GRIP1: variants seen among roughly 807,000 people sequenced by gnomAD.
GRIP1 encodes the protein glutamate receptor interacting protein 1, also known as glutamate receptor-interacting protein 1.
In GRIP1, 45 loss-of-function variants were observed where a neutral mutation model predicts 129.9. The observed-to-expected ratio is 0.35, with a 90% confidence interval of 0.27 to 0.44. The LOEUF is 0.44. Among genes scored for constraint, GRIP1 ranks in the 20% least tolerant of loss-of-function variants. The pLI is 1.00. For synonymous variants in GRIP1, 530 were observed against 520.8 expected (o/e 1.02, Z -0.24); for missense variants, 1,196 against 1,396.8 (o/e 0.86, Z 2.29).
At chr12:66,623,543 T>A (rs1285652848) in intron 1 of GRIP1, among the ~76,000 whole-genome samples, 1 of 152,168 alleles carries the variant, frequency 6.6e-6, no homozygotes, top group Non-Finnish European at 1.5e-5. Flanking sequence ...ATGGAATTTA[T>A]AATTTTTCTA....
chr12:67,068,311 C>A (rs549842961), intron 1 of GRIP1, among the ~76,000 whole-genome samples: 1 of 152,320 alleles, frequency 6.6e-6, no homozygotes, highest in South Asian at 2.1e-4. Flanking sequence ...GGCTGCAAGG[C>A]ACCAGGCAGA....
chr12:67,028,476 T>C (rs1202813891), intron 1 of GRIP1, among the ~76,000 whole-genome samples: 1 of 152,226 alleles, frequency 6.6e-6, no homozygotes, highest in Non-Finnish European at 1.5e-5. Flanking sequence ...TTCATGTAAG[T>C]AGAAATTGTG....
In GRIP1 at chr12:66,648,079, C is replaced by T. The variant is rs184779293; in HGVS notation, c.55+30771G>A. ...TGCTTCCCTCCACCCACTCTTCCCC[C>T]CTCCCTCCACCAGTGCCTTCTTGCT... On this transcript the variant is annotated intron_variant, in intron 1 of 24. Transcript: ENST00000359742. Among the ~76,000 whole-genome samples, 326 of 152,242 alleles carry T rather than the reference C, an allele frequency of 2.1e-3. 2 individuals carry two copies. The highest frequency in any genetic ancestry group is 6.7e-3 in the African/African-American group (280 of 41,536).
At chr12:66,537,581 T>C (rs1232321865) in intron 4 of GRIP1, among the ~76,000 whole-genome samples, 1 of 151,716 alleles carries the variant, frequency 6.6e-6, no homozygotes, top group Non-Finnish European at 1.5e-5. Flanking sequence ...AAAAAAGAAA[T>C]TAATGTATCC....
At chr12:66,505,610 G>T (rs923249640) in intron 7 of GRIP1, among the ~76,000 whole-genome samples, 3 of 152,182 alleles carry the variant, frequency 2.0e-5, no homozygotes, top group African/African-American at 7.2e-5. Context: ...AGGGGTTGGT[G>T]TGGGGAACCC....
At chr12:66,940,855 G>T (rs1281094104) in intron 1 of GRIP1, among the ~76,000 whole-genome samples, 2 of 151,946 alleles carry the variant, frequency 1.3e-5, no homozygotes, top group East Asian at 3.9e-4. Flanking sequence ...AACACCACAG[G>T]GTGTGTTTTC....
At chr12:66,605,318 C>G (rs1246043231) in intron 1 of GRIP1, among the ~76,000 whole-genome samples, 1 of 151,774 alleles carries the variant, frequency 6.6e-6, no homozygotes, top group Non-Finnish European at 1.5e-5. Context: ...TAATGTAAAC[C>G]GTAGAGAAAA....
chr12:66,467,614 T>G (rs1393127473), intron 7 of GRIP1, among the ~76,000 whole-genome samples: 1 of 152,228 alleles, frequency 6.6e-6, no homozygotes, highest in East Asian at 1.9e-4. Context: ...TGGTTAGTTT[T>G]GCCCACCTCT....
At chr12:67,067,998 T>C (rs984333882) in intron 1 of GRIP1, among the ~76,000 whole-genome samples, 5 of 152,300 alleles carry the variant, frequency 3.3e-5, no homozygotes, top group South Asian at 2.1e-4. Flanking sequence ...CAGGACAGGA[T>C]AGAAGAAGCA....
chr12:66,771,114 A>G (rs1209829791), intron 1 of GRIP1, among the ~76,000 whole-genome samples: 3 of 152,134 alleles, frequency 2.0e-5, no homozygotes, highest in South Asian at 4.1e-4. Context: ...AGAAAGAAAA[A>G]AAAACCCTCA....
chr12:66,679,532 G>T (rs117705310), upstream of GRIP1, among the ~76,000 whole-genome samples: 1 of 151,954 alleles, frequency 6.6e-6, no homozygotes, highest in East Asian at 1.9e-4. Context: ...TGCCTATAGC[G>T]GGGAAGCAGC....
intron 1 of GRIP1, among the ~76,000 whole-genome samples, chr12:67,067,066 C>A (rs138356547): frequency 6.6e-6 from 1 of 151,778 alleles, no homozygotes; most frequent in East Asian, 1.9e-4. Context: ...AAAAGCATCT[C>A]TTAATTAAAG....
intron 1 of GRIP1, among the ~76,000 whole-genome samples, chr12:66,693,495 C>T (rs1182251709): frequency 6.6e-6 from 1 of 152,122 alleles, no homozygotes; most frequent in Non-Finnish European, 1.5e-5. Context: ...ATCTGCCTGG[C>T]CCTTGTAGGC....
At chr12:66,808,263 T>A (rs1242535966), upstream of GRIP1, among the ~76,000 whole-genome samples, 2 of 152,102 alleles carry the variant, frequency 1.3e-5, no homozygotes, top group Non-Finnish European at 2.9e-5. Context: ...TTTGTTTGGC[T>A]CACATGAATG....
chr12:67,022,340 TG>T (rs2042879751), intron 1 of GRIP1, among the ~76,000 whole-genome samples: 1 of 152,232 alleles, frequency 6.6e-6, no homozygotes, highest in Admixed American at 6.5e-5. Flanking sequence ...ATTCACCTAT[TG>T]CTAGACATTT....
intron 1 of GRIP1, among the ~76,000 whole-genome samples, chr12:66,986,396 C>T (rs113635633): frequency 0.41 from 61,120 of 150,432 alleles, 13,389 homozygotes; most frequent in Non-Finnish European, 0.48. Context: ...TATTGAGGCA[C>T]TATTCACAAT....
intron 1 of GRIP1, among the ~76,000 whole-genome samples, chr12:66,632,448 C>T (rs368120070): frequency 1.3e-5 from 2 of 152,198 alleles, no homozygotes; most frequent in African/African-American, 2.4e-5. Flanking sequence ...AGCTGAGGTA[C>T]CCTCTCTTCC....
intron 1 of GRIP1, among the ~76,000 whole-genome samples, chr12:66,748,872 T>C (rs2037036839): frequency 6.6e-6 from 1 of 152,228 alleles, no homozygotes; most frequent in Non-Finnish European, 1.5e-5. Flanking sequence ...CTATAAAACA[T>C]TTGTACTATA....
chr12:67,024,259 C>T (rs1378097230), intron 1 of GRIP1, among the ~76,000 whole-genome samples: 2 of 152,112 alleles, frequency 1.3e-5, no homozygotes, highest in Admixed American at 6.6e-5. Context: ...ACTGCAGATT[C>T]GTGTGTATTT....
Sources: allele counts gnomAD v4.1 joint callset (sites outside exome capture counted in the v4.1 genomes callset), GRCh38; gene constraint gnomAD v4.1.1; transcripts MANE v1.5; gene names NCBI Gene and HGNC (gene_info 2026-07-23, HGNC 2026-07-21).